CMIP: variants seen among roughly 807,000 people sequenced by gnomAD.
CMIP encodes c-Maf inducing protein.
In CMIP, 13 loss-of-function variants were observed where a neutral mutation model predicts 97.3. The ratio of observed to expected loss-of-function variants is 0.13; its 90% confidence interval spans 0.09 to 0.21. The LOEUF (loss-of-function observed/expected upper bound fraction) is 0.21. CMIP is among the 10% of genes least tolerant of loss of function. The probability of loss-of-function intolerance (pLI) is 1.00; values close to 1 mark genes in which losing one functional copy is unlikely to be tolerated. For synonymous variants in CMIP, 538 were observed against 436.3 expected (o/e 1.23, Z -2.91); for missense variants, 847 against 1,024.9 (o/e 0.83, Z 2.37).
intron 1 of CMIP, among the ~76,000 whole-genome samples, chr16:81,465,197 G>A (rs561362656): frequency 1.2e-4 from 19 of 152,142 alleles, no homozygotes; most frequent in Non-Finnish European, 2.8e-4. Flanking sequence ...CTAGAATGCC[G>A]ACAGCCAGAG....
chr16:81,595,734 T>TA (rs1965890642), intron 1 of CMIP, among the ~76,000 whole-genome samples: 1 of 152,226 alleles, frequency 6.6e-6, no homozygotes, highest in Non-Finnish European at 1.5e-5. Context: ...GTCTTTTTTT[T>TA]ATCGCTGCAT....
chr16:81,512,898 A>C (rs1380795515), intron 1 of CMIP, among the ~76,000 whole-genome samples: 5 of 152,094 alleles, frequency 3.3e-5, no homozygotes, highest in Non-Finnish European at 7.4e-5. Context: ...CACCACACCC[A>C]GCTAATTTTT....
chr16:81,568,219 A>T (rs1255313689), intron 1 of CMIP, among the ~76,000 whole-genome samples: 2 of 151,832 alleles, frequency 1.3e-5, no homozygotes, highest in African/African-American at 4.8e-5. Context: ...TTTTCATTGC[A>T]ACTCCAGGGG....
At chr16:81,693,352 C>A (rs1417649815) in intron 12 of CMIP, 87 bp from the exon 13 acceptor site, 1 of 1,545,690 alleles carries the variant, frequency 6.5e-7, no homozygotes, top group East Asian at 2.4e-5. Flanking sequence ...CTGGCCCGTT[C>A]TTCCTTGACA....
chr16:81,673,955 G>T (rs73600437), intron 9 of CMIP, among the ~76,000 whole-genome samples: 2,744 of 152,338 alleles, frequency 0.018, 74 homozygotes, highest in African/African-American at 0.062. Flanking sequence ...AGAGCATTCT[G>T]AGTCGCTGAA....
At chr16:81,695,917 G>GGAGA (rs35257343) in intron 13 of CMIP, 142 of 150,446 alleles carry the variant, frequency 9.4e-4, no homozygotes, top group South Asian at 3.1e-3. Flanking sequence ...CCAAAGAGGG[G>GGAGA]GAGAGAGAGA....
chr16:81,579,158 T>TG (rs1295389114), intron 1 of CMIP, among the ~76,000 whole-genome samples: 1 of 152,170 alleles, frequency 6.6e-6, no homozygotes, highest in Non-Finnish European at 1.5e-5. Flanking sequence ...GGCACCCCCC[T>TG]GCCTCCTAGG....
chr16:81,654,193 G>C (rs1209771830), intron 4 of CMIP, among the ~76,000 whole-genome samples: 2 of 151,976 alleles, frequency 1.3e-5, no homozygotes, highest in Non-Finnish European at 2.9e-5. Context: ...TGCTTCAGGT[G>C]ACCGCATGAC....
chr16:81,696,406 T>G, intron 13 of CMIP, 154 bp from the exon 14 acceptor site: 1 of 726,972 alleles, frequency 1.4e-6, no homozygotes, highest in Non-Finnish European at 2.3e-6. Flanking sequence ...TGGCATTTGG[T>G]GGAAGGCTGG....
At chr16:81,574,976 A>G (rs952653381) in intron 1 of CMIP, among the ~76,000 whole-genome samples, 1 of 152,094 alleles carries the variant, frequency 6.6e-6, no homozygotes, top group Non-Finnish European at 1.5e-5. Context: ...GCTCATTCCT[A>G]CCTCATTTCA....
chr16:81,455,517 G>GCCTCTGGC (rs1292656521), intron 1 of CMIP, among the ~76,000 whole-genome samples: 1 of 152,226 alleles, frequency 6.6e-6, no homozygotes, highest in Non-Finnish European at 1.5e-5. Flanking sequence ...AACCCCACGG[G>GCCTCTGGC]CCTCTGGCCC....
chr16:81,576,649 G>A (rs549104359), intron 1 of CMIP, among the ~76,000 whole-genome samples: 28 of 152,236 alleles, frequency 1.8e-4, no homozygotes, highest in Middle Eastern at 3.4e-3. Flanking sequence ...TTACTAGAGC[G>A]TGGTGTATTA....
At chr16:81,695,294 A>G (rs1022341684) in intron 13 of CMIP, 1 of 152,148 alleles carries the variant, frequency 6.6e-6, no homozygotes, top group Non-Finnish European at 1.5e-5. Flanking sequence ...AATGAAGCCA[A>G]AGTTGTTTCC....
chr16:81,532,031 A>G (rs1157733065), intron 1 of CMIP, among the ~76,000 whole-genome samples: 1 of 152,214 alleles, frequency 6.6e-6, no homozygotes, highest in Admixed American at 6.5e-5. Flanking sequence ...GATGTCAGGC[A>G]CTAAGTCGGG....
At chr16:81,602,323 C>T (rs1179272104) in intron 1 of CMIP, among the ~76,000 whole-genome samples, 3 of 152,182 alleles carry the variant, frequency 2.0e-5, no homozygotes, top group African/African-American at 2.4e-5. Context: ...TTAAAATAAT[C>T]AGGAAAGTCA....
chr16:81,568,823 T>C (rs2091031611), intron 1 of CMIP, among the ~76,000 whole-genome samples: 1 of 151,876 alleles, frequency 6.6e-6, no homozygotes, highest in Non-Finnish European at 1.5e-5. Flanking sequence ...GAAAGGCGAG[T>C]GGGTGACCTG....
chr16:81,638,576 C>T (rs1179923576), intron 3 of CMIP, among the ~76,000 whole-genome samples: 2 of 152,158 alleles, frequency 1.3e-5, no homozygotes, highest in African/African-American at 2.4e-5. Flanking sequence ...TGTCACCTCT[C>T]ATCCCTCCCC....
At position 81,492,683 on chromosome 16, in the gene CMIP, C is replaced by A. The variant is rs115004261; in HGVS notation, c.300+47142C>A. On this transcript the variant is annotated intron_variant, in intron 1 of 20. Transcript: ENST00000537098. ...GCAAAACAGGGGAGGGAAGGGAGGG[C>A]CCTGGAGAAAAAGGGGGGAAGAGAA... Among the ~76,000 whole-genome samples, 542 of 151,892 alleles carry A rather than the reference C, an allele frequency of 3.6e-3. 2 individuals are homozygous for A. The highest frequency in any genetic ancestry group is 0.012 in the African/African-American group (506 of 41,428).
intron 1 of CMIP, among the ~76,000 whole-genome samples, chr16:81,531,542 A>G (rs761720076): frequency 2.0e-5 from 3 of 152,158 alleles, no homozygotes; most frequent in South Asian, 2.1e-4. Flanking sequence ...CTCTACCCGC[A>G]TGGTTAGTGC....
Sources: allele counts gnomAD v4.1 joint callset (sites outside exome capture counted in the v4.1 genomes callset), GRCh38; gene constraint gnomAD v4.1.1; transcripts MANE v1.5; gene names NCBI Gene and HGNC (gene_info 2026-07-23, HGNC 2026-07-21).